Variants in CACNA1C observed in about 807,000 individuals in gnomAD.
CACNA1C encodes calcium voltage-gated channel subunit alpha1 C.
In CACNA1C, 30 loss-of-function variants were observed where a neutral mutation model predicts 229.0. The ratio of observed to expected loss-of-function variants is 0.13; its 90% CI spans 0.10 to 0.18. CACNA1C has a LOEUF of 0.18. CACNA1C is among the 10% of genes least tolerant of loss of function. The pLI is 1.00. For synonymous variants in CACNA1C, 1,114 were observed against 1,132.5 expected (o/e 0.98, Z 0.33); for missense variants, 1,658 against 2,845.0 (o/e 0.58, Z 9.49).
Position 2,690,995 on chromosome 12 carries a change from A to T in CACNA1C, c.6213A>T (p.Ile2071=), listed in dbSNP as rs778147251. 7.5e-6 allele frequency: 12 copies of T among 1,600,854 alleles called. No individual in the cohort carries two copies. In the East Asian group the frequency reaches 2.7e-4, roughly 36 times the overall value. The change falls in exon 47 of 47, where the codon ATA becomes ATT. Residue 2071 remains isoleucine, a synonymous_variant. Coordinates refer to ENST00000399655, the MANE Select transcript of CACNA1C (RefSeq NM_000719.7). ...QELADACDMT[I]EEMESAADNI... Reference sequence around the variant, plus strand: ...TGGCCGACGCCTGCGACATGACCATAGAGGAGATGGAGAGCGCGGCCGACA... The same window carrying T: ...TGGCCGACGCCTGCGACATGACCATTGAGGAGATGGAGAGCGCGGCCGACA...
chr12:2,216,689 T>C (rs1463396313), intron 3 of CACNA1C, among the ~76,000 whole-genome samples: 3 of 152,242 alleles, frequency 2.0e-5, no homozygotes, highest in Non-Finnish European at 2.9e-5. Flanking sequence ...AGAGGAGTTC[T>C]GATTCAGTGG....
chr12:2,191,320 G>T (rs915521951), intron 3 of CACNA1C, among the ~76,000 whole-genome samples: 1 of 152,120 alleles, frequency 6.6e-6, no homozygotes, highest in Non-Finnish European at 1.5e-5. Flanking sequence ...CTCTGGGCTT[G>T]GTCCTTAGGT....
At chr12:2,278,895 G>C (rs1215415872) in intron 3 of CACNA1C, among the ~76,000 whole-genome samples, 1 of 152,196 alleles carries the variant, frequency 6.6e-6, no homozygotes, top group Non-Finnish European at 1.5e-5. Context: ...CCAACACCTG[G>C]TGTGGTCAGT....
intron 3 of CACNA1C, among the ~76,000 whole-genome samples, chr12:2,218,659 A>G (rs1414125483): frequency 6.6e-6 from 1 of 152,160 alleles, no homozygotes; most frequent in East Asian, 1.9e-4. Flanking sequence ...TTCCAAATAA[A>G]ATGCTATATT....
At chr12:2,050,487 C>T (rs1013813960), upstream of CACNA1C, among the ~76,000 whole-genome samples, 1 of 152,194 alleles carries the variant, frequency 6.6e-6, no homozygotes, top group African/African-American at 2.4e-5. Context: ...ATTATTCCTG[C>T]ACTTGTGTGT....
chr12:2,659,321 A>G (rs2095585946), intron 34 of CACNA1C, among the ~76,000 whole-genome samples: 1 of 152,210 alleles, frequency 6.6e-6, no homozygotes, highest in East Asian at 1.9e-4. Flanking sequence ...ACAAATACTT[A>G]CCATTGTGTT....
chr12:2,425,809 TC>T (rs1404550126), intron 3 of CACNA1C, among the ~76,000 whole-genome samples: 1 of 152,154 alleles, frequency 6.6e-6, no homozygotes, highest in Non-Finnish European at 1.5e-5. Flanking sequence ...GATTATCCAA[TC>T]CCAATGCCTG....
intron 9 of CACNA1C, among the ~76,000 whole-genome samples, chr12:2,538,474 T>C (rs1260808068): frequency 1.3e-5 from 2 of 152,198 alleles, no homozygotes; most frequent in African/African-American, 4.8e-5. Flanking sequence ...TCATCCACTC[T>C]TTCCTCTTAT....
intron 5 of CACNA1C, 105 bp downstream of exon 5, chr12:2,457,811 A>C: frequency 2.0e-6 from 2 of 1,018,920 alleles, no homozygotes; most frequent in Non-Finnish European, 2.7e-6. Context: ...ATTCCATATA[A>C]ATGGAGGGGT....
At chr12:2,228,698 C>T in intron 3 of CACNA1C, among the ~76,000 whole-genome samples, 1 of 152,196 alleles carries the variant, frequency 6.6e-6, no homozygotes, top group South Asian at 2.1e-4. Flanking sequence ...ATCATTTCAT[C>T]TCTGGCACTG....
chr12:2,175,644 C>T (rs80176025), intron 3 of CACNA1C, among the ~76,000 whole-genome samples: 4,363 of 152,200 alleles, frequency 0.029, 196 homozygotes, highest in African/African-American at 0.099. Context: ...CATCCATTGA[C>T]GATTGTTGCC....
At chr12:2,380,983 A>C in intron 3 of CACNA1C, among the ~76,000 whole-genome samples, 1 of 151,832 alleles carries the variant, frequency 6.6e-6, no homozygotes, top group East Asian at 1.9e-4. Context: ...GGGGAGGGGG[A>C]CTGAGGTGTG....
intron 1 of CACNA1C, among the ~76,000 whole-genome samples, chr12:1,988,201 A>G (rs771158710): frequency 1.5e-4 from 23 of 152,200 alleles, no homozygotes; most frequent in Non-Finnish European, 3.1e-4. Context: ...TATTTCTACA[A>G]GCTACGTGTC....
At chr12:2,384,215 C>A (rs766300780) in intron 3 of CACNA1C, among the ~76,000 whole-genome samples, 1 of 152,224 alleles carries the variant, frequency 6.6e-6, no homozygotes, top group Non-Finnish European at 1.5e-5. Context: ...CGGAGAATCG[C>A]GGGTTACTGT....
intron 29 of CACNA1C, among the ~76,000 whole-genome samples, chr12:2,618,911 A>G (rs116089252): frequency 0.024 from 3,724 of 152,254 alleles, 89 homozygotes; most frequent in African/African-American, 0.055. Flanking sequence ...TTTCTCTCCA[A>G]CTTGACCTCT....
intron 29 of CACNA1C, among the ~76,000 whole-genome samples, chr12:2,622,027 G>A (rs2083518371): frequency 6.6e-6 from 1 of 152,154 alleles, no homozygotes; most frequent in Non-Finnish European, 1.5e-5. Flanking sequence ...GAATCACAAG[G>A]AAACTGGGAG....
chr12:2,580,005 C>A (rs939569460), intron 13 of CACNA1C, among the ~76,000 whole-genome samples: 1 of 152,174 alleles, frequency 6.6e-6, no homozygotes, highest in Non-Finnish European at 1.5e-5. Flanking sequence ...TTAAGCAGAT[C>A]ACTACAGCCT....
chr12:2,176,387 G>A (rs2096645290), intron 3 of CACNA1C, among the ~76,000 whole-genome samples: 1 of 152,120 alleles, frequency 6.6e-6, no homozygotes, highest in Admixed American at 6.5e-5. Flanking sequence ...TGGATGAGAT[G>A]GGCAGCCCTG....
chr12:2,610,636 C>T lies in CACNA1C; in HGVS notation c.3654C>T (p.Ser1218=), dbSNP rs776884902. The change falls in exon 28 of 47, where the codon TCC becomes TCT. Residue 1218 remains serine, a synonymous_variant. Transcript: ENST00000399655. ...ACAAAGTGTGGTACGTGGTCAACTC[C>T]ACCTACTTCGAGTACCTGATGTTCG... ...HQYKVWYVVN[S]TYFEYLMFVL... 4.2e-5 allele frequency: 68 copies of T among 1,614,224 alleles called. No individual in the cohort carries two copies. Among genetic ancestry groups the T allele is most frequent in the Non-Finnish European group, 5.5e-5 (65 of 1,180,034 alleles).
Sources: allele counts gnomAD v4.1 joint callset (sites outside exome capture counted in the v4.1 genomes callset), GRCh38; gene constraint gnomAD v4.1.1; transcripts MANE v1.5; gene names NCBI Gene and HGNC (gene_info 2026-07-23, HGNC 2026-07-21).